PSME3IP1: variants seen among roughly 807,000 people sequenced by gnomAD.
PSME3IP1 encodes the protein PSME3-interacting protein.
A neutral mutation model predicts 34.1 loss-of-function variants in PSME3IP1; 13 were observed. The ratio of observed to expected loss-of-function variants is 0.38; its 90% CI spans 0.25 to 0.61. The LOEUF is 0.61. PSME3IP1 is among the 20% of genes least tolerant of loss of function. The pLI is 0.60. For missense variants in PSME3IP1, 237 were observed against 301.4 expected (o/e 0.79, Z 1.58); for synonymous variants, 93 against 114.3 (o/e 0.81, Z 1.19).
At chr16:57,184,347 C>A (rs2073976642) in intron 1 of PSME3IP1, among the ~76,000 whole-genome samples, 2 of 152,064 alleles carry the variant, frequency 1.3e-5, no homozygotes, top group African/African-American at 4.8e-5. Flanking sequence ...TTCAAGAAGT[C>A]TAATAAATAC....
intron 6 of PSME3IP1, among the ~76,000 whole-genome samples, chr16:57,161,632 C>T (rs1250847279): frequency 1.3e-5 from 2 of 151,682 alleles, no homozygotes; most frequent in African/African-American, 4.8e-5. Context: ...CCTGCCTCAG[C>T]CTCCCGAGTA....
chr16:57,181,031 C>T (rs201825544), intron 1 of PSME3IP1, among the ~76,000 whole-genome samples: 3 of 117,972 alleles, frequency 2.5e-5, no homozygotes, highest in African/African-American at 7.9e-5. Context: ...AGCACAAGAC[C>T]GACCTTGCCT....
In PSME3IP1 at chr16:57,153,073, T is replaced by C. The variant is rs920340076; in HGVS notation, c.*1217A>G. The C allele has an allele frequency of 2.0e-5, 3 of 152,702 alleles. No homozygotes were observed. Among genetic ancestry groups the C allele is most frequent in the Non-Finnish European group, 4.4e-5 (3 of 68,058 alleles). 9.5% of individuals were successfully genotyped at this position (152,702 alleles called of 1,614,324 possible). On this transcript the variant is annotated 3_prime_UTR_variant, in exon 7 of 7. Coordinates refer to ENST00000309137, the MANE Select transcript of PSME3IP1 (RefSeq NM_024946.4). ...AGGGGAATGGATAAAGAATGGTACA[T>C]GCTTATTCTAAAGCAGGAGAGCCTA...
At chr16:57,161,935 G>A (rs947753912) in intron 6 of PSME3IP1, among the ~76,000 whole-genome samples, 6 of 151,838 alleles carry the variant, frequency 4.0e-5, no homozygotes, top group Non-Finnish European at 7.4e-5. Flanking sequence ...ACAGAGTCTC[G>A]CTCTTGTTGC....
intron 1 of PSME3IP1, among the ~76,000 whole-genome samples, chr16:57,177,719 A>T (rs1484116074): frequency 1.3e-5 from 2 of 152,158 alleles, no homozygotes; most frequent in African/African-American, 4.8e-5. Flanking sequence ...TAAAACTAAT[A>T]TCTTAATTCA....
At chr16:57,166,678 G>A (rs1162307927) in intron 5 of PSME3IP1, among the ~76,000 whole-genome samples, 1 of 152,146 alleles carries the variant, frequency 6.6e-6, no homozygotes, top group African/African-American at 2.4e-5. Flanking sequence ...TTTCTAGACA[G>A]AAGCCCAAAT....
At chr16:57,172,496 C>A in intron 3 of PSME3IP1, 124 bp from the exon 4 acceptor site, 1 of 1,081,338 alleles carries the variant, frequency 9.2e-7, no homozygotes, top group Non-Finnish European at 1.3e-6. Context: ...CTGGTAAATA[C>A]CATGGCGTTT....
Position 57,186,017 on chromosome 16 carries a change from T to C in PSME3IP1, c.-212A>G. The C allele has an allele frequency of 3.0e-6, 3 of 984,818 alleles. No individual in the cohort carries two copies. The highest frequency in any genetic ancestry group is 9.4e-5 in the South Asian group (2 of 21,268). The allele number at this position is 984,818 out of a possible 1,614,324, so 61.0% of individuals were successfully genotyped here. A position where few individuals can be genotyped will look rare whatever the true frequency, so the allele number is the denominator to read the frequency against. On this transcript the variant is annotated 5_prime_UTR_variant, in exon 1 of 7. Transcript: ENST00000309137. ...TGTATTTCTTTTGACCCTTCAGGGC[T>C]TCCTGTTCCTCACCGCCACAATAGA...
chr16:57,165,997 A>G (rs1290635347), intron 5 of PSME3IP1, among the ~76,000 whole-genome samples: 1 of 152,128 alleles, frequency 6.6e-6, no homozygotes, highest in African/African-American at 2.4e-5. Context: ...TCTTGCAGGA[A>G]AGCTTATGTG....
chr16:57,171,561 A>G (rs749372079), intron 4 of PSME3IP1, among the ~76,000 whole-genome samples: 10 of 152,226 alleles, frequency 6.6e-5, no homozygotes, highest in African/African-American at 1.2e-4. Flanking sequence ...TACTACTACT[A>G]CAGTAGCAGT....
At chr16:57,171,208 G>C (rs1276507421) in intron 4 of PSME3IP1, among the ~76,000 whole-genome samples, 1 of 152,168 alleles carries the variant, frequency 6.6e-6, no homozygotes, top group African/African-American at 2.4e-5. Context: ...ATTTTGGGCT[G>C]AGGAAACAGC....
chr16:57,172,540 AT>A (rs1464551840), intron 3 of PSME3IP1, among the ~76,000 whole-genome samples, 168 bp from the exon 4 acceptor site: 4 of 152,118 alleles, frequency 2.6e-5, no homozygotes. Flanking sequence ...AAAACAAGGC[AT>A]TTTTTCCCAT....
At chr16:57,156,075 C>A (rs2070490092) in intron 6 of PSME3IP1, among the ~76,000 whole-genome samples, 1 of 152,180 alleles carries the variant, frequency 6.6e-6, no homozygotes, top group South Asian at 2.1e-4. Context: ...AAGAACTCTA[C>A]TCCAGCCCTT....
At chr16:57,168,758 G>C (rs887710337) in intron 4 of PSME3IP1, among the ~76,000 whole-genome samples, 1 of 139,906 alleles carries the variant, frequency 7.1e-6, no homozygotes, top group Non-Finnish European at 1.5e-5. Context: ...AGCTGAGATC[G>C]TGCCACCGCA....
chr16:57,155,480 T>C (rs2070407095), intron 6 of PSME3IP1, among the ~76,000 whole-genome samples: 1 of 151,928 alleles, frequency 6.6e-6, no homozygotes, highest in South Asian at 2.1e-4. Context: ...TTTGAAAAAT[T>C]AGACAGTGCC....
chr16:57,169,639 C>T (rs566075979), intron 4 of PSME3IP1, among the ~76,000 whole-genome samples: 19 of 152,308 alleles, frequency 1.2e-4, no homozygotes, highest in African/African-American at 4.1e-4. Context: ...TTCATTCTTT[C>T]CTTTTAATTG....
At position 57,154,037 on chromosome 16, in the gene PSME3IP1, T is replaced by G; in HGVS notation, c.*253A>C. The G allele has an allele frequency of 2.2e-6, 1 of 452,684 alleles. No homozygotes were observed. The highest frequency in any genetic ancestry group is 4.0e-6 in the Non-Finnish European group (1 of 252,934). The allele number at this position is 452,684 out of a possible 1,614,324, so 28.0% of individuals were successfully genotyped here. A position where few individuals can be genotyped will look rare whatever the true frequency, so the allele number is the denominator to read the frequency against. On this transcript the variant is annotated 3_prime_UTR_variant, in exon 7 of 7. Coordinates refer to ENST00000309137, the MANE Select transcript of PSME3IP1 (RefSeq NM_024946.4). The surrounding 1 kb of genome is among the most constrained non-coding windows in gnomAD (Gnocchi z 4.0). ...GTGGAACTTCGGCTGGGCCTTGCCCTCCTCCCAATATCAGTGAGGAAAGTG... is the reference window on the plus strand; with the variant it reads ...GTGGAACTTCGGCTGGGCCTTGCCCGCCTCCCAATATCAGTGAGGAAAGTG...
At chr16:57,184,173 T>G (rs2073953580) in intron 1 of PSME3IP1, among the ~76,000 whole-genome samples, 1 of 151,122 alleles carries the variant, frequency 6.6e-6, no homozygotes, top group African/African-American at 2.4e-5. Flanking sequence ...GAATAAATTA[T>G]CCAGAATGTA....
At chr16:57,172,962 G>A in intron 2 of PSME3IP1, 88 bp from the exon 3 acceptor site, 1 of 890,314 alleles carries the variant, frequency 1.1e-6, no homozygotes, top group East Asian at 2.5e-5. Flanking sequence ...ATCACAAAAG[G>A]TTTTAAAGAC....
Sources: allele counts gnomAD v4.1 joint callset (sites outside exome capture counted in the v4.1 genomes callset), GRCh38; gene constraint gnomAD v4.1.1; non-coding constraint Gnocchi (gnomAD v3.1); transcripts MANE v1.5; gene names NCBI Gene and HGNC (gene_info 2026-07-23, HGNC 2026-07-21).